Variants in CHUK observed in about 807,000 individuals in gnomAD.
CHUK encodes component of inhibitor of nuclear factor kappa B kinase complex.
In CHUK, 35 loss-of-function variants were observed where a neutral mutation model predicts 104.8. The ratio of observed to expected loss-of-function variants is 0.33; its 90% CI spans 0.26 to 0.44. CHUK has a LOEUF of 0.44. CHUK is among the 20% of genes least tolerant of loss of function. The probability of loss-of-function intolerance (pLI) is 1.00; values close to 1 mark genes in which losing one functional copy is unlikely to be tolerated. For synonymous variants in CHUK, 276 were observed against 291.9 expected (o/e 0.95, Z 0.56); for missense variants, 663 against 902.7 (o/e 0.73, Z 3.40).
At chr10:100,200,577 A>G (rs974549927) in intron 15 of CHUK, 94 bp downstream of exon 15, 1 of 751,814 alleles carries the variant, frequency 1.3e-6, no homozygotes, top group Non-Finnish European at 2.4e-6. Flanking sequence ...AAAACTATAG[A>G]AAAGAACCAC....
At position 100,189,834 on chromosome 10, in the gene CHUK, C is replaced by CT. The variant is rs34571703; in HGVS notation, c.2209-208dup. Among the ~76,000 whole-genome samples, 14,441 of 139,026 alleles carry CT rather than the reference C, an allele frequency of 0.1. 848 individuals are homozygous for CT. The highest frequency in any genetic ancestry group is 0.17 in the African/African-American group (6,467 of 38,026). The allele number at this position is 139,026 out of a possible 152,430, so 91.2% of individuals were successfully genotyped here. On this transcript the variant is annotated intron_variant, in intron 20 of 20. Coordinates refer to ENST00000370397, the MANE Select transcript of CHUK (RefSeq NM_001278.5). ...AACAATTATTCTTTCCTTTTCTTTT[C>CT]TTTTTTTTTTTTTTCTTAAGAGAGC...
At chr10:100,229,385 G>A in intron 1 of CHUK, 43 bp downstream of exon 1, 1 of 1,433,676 alleles carries the variant, frequency 7.0e-7, no homozygotes, top group East Asian at 2.3e-5. Context: ...CAAACCCACC[G>A]CCGCTCCAAC....
At chr10:100,229,237 C>A (rs891031659) in intron 1 of CHUK, among the ~76,000 whole-genome samples, 191 bp downstream of exon 1, 7 of 152,146 alleles carry the variant, frequency 4.6e-5, no homozygotes, top group African/African-American at 1.7e-4. Flanking sequence ...TGCCCAGTAC[C>A]TCAAATACAA....
At chr10:100,205,224 G>T (rs1377124758) in intron 11 of CHUK, 25 bp from the exon 12 acceptor site, 1 of 1,612,468 alleles carries the variant, frequency 6.2e-7, no homozygotes, top group Non-Finnish European at 8.5e-7. Context: ...ATGAGAAAAA[G>T]GGCAAGGGAG....
Position 100,223,007 on chromosome 10 carries a change from A to T in CHUK, c.201-27T>A, listed in dbSNP as rs781309889. ...TAATAAGAAAGAAAAACATTACAAT[A>T]AAAAAAATTATTTCCAATAAAAAGG... is the stretch of plus-strand genomic sequence containing the variant. On this transcript the variant is annotated intron_variant, in intron 2 of 20. Coordinates refer to ENST00000370397, the MANE Select transcript of CHUK (RefSeq NM_001278.5). 2.6e-6 allele frequency: 3 copies of T among 1,147,606 alleles called. No homozygotes were observed. In the African/African-American group the frequency reaches 4.6e-5, roughly 18 times the overall value. The allele number at this position is 1,147,606 out of a possible 1,614,324, so 71.1% of individuals were successfully genotyped here. A position where few individuals can be genotyped will look rare whatever the true frequency, so the allele number is the denominator to read the frequency against.
chr10:100,193,121 C>T (rs1025425815), intron 19 of CHUK, 177 bp downstream of exon 19: 1 of 676,490 alleles, frequency 1.5e-6, no homozygotes, highest in East Asian at 2.7e-5. Context: ...TCCTGTTTTA[C>T]AGGTGAGGAA....
At chr10:100,208,480 C>A (rs17881516) in intron 10 of CHUK, among the ~76,000 whole-genome samples, 2 of 152,052 alleles carry the variant, frequency 1.3e-5, no homozygotes, top group Non-Finnish European at 2.9e-5. Context: ...TGTTTCAGCA[C>A]GACTGAGTGG....
chr10:100,221,821 A>G (rs1261315848), intron 4 of CHUK, among the ~76,000 whole-genome samples: 1 of 152,150 alleles, frequency 6.6e-6, no homozygotes, highest in Non-Finnish European at 1.5e-5. Context: ...TATTTTTAGT[A>G]GAGATGGGGT....
chr10:100,225,944 T>C lies in CHUK; in HGVS notation c.179A>G (p.His60Arg). ...TTACTTCTTCATAATCTGGATTTCATGGCACCATCGTTCTCTGTTTTTGGT... is the reference window on the plus strand; with the variant it reads ...TTACTTCTTCATAATCTGGATTTCACGGCACCATCGTTCTCTGTTTTTGGT... ...LSTKNRERWC[H>R]EIQIMKKLNH... is the part of the protein sequence containing the mutation. The change falls in exon 2 of 21, where the codon CAT (histidine) becomes CGT (arginine). Residue 60 changes from histidine (H) to arginine (R), a missense_variant. Coordinates refer to ENST00000370397, the MANE Select transcript of CHUK (RefSeq NM_001278.5). 5.0e-6 allele frequency: 8 copies of C among 1,603,156 alleles called. No individual in the cohort carries two copies. The highest frequency in any genetic ancestry group is 6.8e-6 in the Non-Finnish European group (8 of 1,170,142).
chr10:100,219,496 T>C lies in CHUK; in HGVS notation c.475-137A>G, dbSNP rs17112751. 31,884 of 641,502 alleles carry C rather than the reference T, an allele frequency of 0.05. 1,561 individuals are homozygous for C. Among genetic ancestry groups the C allele is most frequent in the African/African-American group, 0.18 (9,700 of 54,766 alleles). The allele number at this position is 641,502 out of a possible 1,614,324, so 39.7% of individuals were successfully genotyped here. On this transcript the variant is annotated intron_variant, in intron 5 of 20. Coordinates refer to ENST00000370397, the MANE Select transcript of CHUK (RefSeq NM_001278.5). ...TGTAATAACACAAAAATATTTCAAG[T>C]CTGAGTGCCACCACTTAACTAGGCA...
chr10:100,189,376 T>C lies in CHUK; in HGVS notation c.*222A>G, dbSNP rs1438896704. The C allele has an allele frequency of 1.3e-5, 7 of 532,428 alleles. No homozygotes were observed. The Admixed American group carries it at 1.9e-4, about 15-fold the overall frequency. 33.0% of individuals were successfully genotyped at this position (532,428 alleles called of 1,614,324 possible). A position where few individuals can be genotyped will look rare whatever the true frequency, so the allele number is the denominator to read the frequency against. The stretch of plus-strand genomic sequence containing the variant: ...TAAAACAAATATTCAAACAAGTACA[T>C]TGACTTTTTCTAAATTCCTGTCTGT... On this transcript the variant is annotated 3_prime_UTR_variant, in exon 21 of 21. Coordinates refer to ENST00000370397, the MANE Select transcript of CHUK (RefSeq NM_001278.5).
In CHUK at chr10:100,229,542, G is replaced by T; in HGVS notation, c.-10C>A. 1.3e-6 allele frequency: 2 copies of T among 1,518,434 alleles called. No homozygotes were observed. The highest frequency in any genetic ancestry group is 1.2e-5 in the South Asian group (1 of 83,388). 94.1% of individuals were successfully genotyped at this position (1,518,434 alleles called of 1,614,324 possible). On this transcript the variant is annotated 5_prime_UTR_variant, in exon 1 of 21. Transcript: ENST00000370397. ...CCGGGGGCCGCTCCATGGGGCGGGA[G>T]GGCAAGCGGCCTCAGGTTCCACAGT... is the stretch of plus-strand genomic sequence containing the variant.
chr10:100,204,753 C>A, intron 12 of CHUK, 96 bp from the exon 13 acceptor site: 1 of 1,030,492 alleles, frequency 9.7e-7, no homozygotes, highest in Admixed American at 2.3e-5. Flanking sequence ...TGCCACAAGG[C>A]CAAAGCCTAA....
At chr10:100,225,345 A>T (rs1846081384) in intron 2 of CHUK, among the ~76,000 whole-genome samples, 1 of 152,202 alleles carries the variant, frequency 6.6e-6, no homozygotes, top group African/African-American at 2.4e-5. Flanking sequence ...GTGGAATGAC[A>T]CAGTATTTGT....
chr10:100,219,162 A>G (rs1845929348), intron 6 of CHUK, 30 bp from the exon 7 acceptor site: 1 of 1,610,690 alleles, frequency 6.2e-7, no homozygotes, highest in Non-Finnish European at 8.5e-7. Flanking sequence ...TTAAACACCA[A>G]CACTGTATGG....
intron 19 of CHUK, 89 bp downstream of exon 19, chr10:100,193,209 G>A: frequency 1.4e-6 from 2 of 1,422,498 alleles, no homozygotes; most frequent in South Asian, 1.2e-5. Flanking sequence ...CTGGTCTGAA[G>A]GCACAGAAGA....
intron 16 of CHUK, chr10:100,195,920 C>G (rs1425314017): frequency 6.6e-6 from 1 of 152,200 alleles, no homozygotes; most frequent in African/African-American, 2.4e-5. Flanking sequence ...GTATCTGATT[C>G]ATTAGCCAGA....
At chr10:100,222,386 AT>A (rs1846011103) in intron 3 of CHUK, among the ~76,000 whole-genome samples, 1 of 152,248 alleles carries the variant, frequency 6.6e-6, no homozygotes, top group Non-Finnish European at 1.5e-5. Flanking sequence ...GGCAAAAAGC[AT>A]TTGAAACTGG....
chr10:100,229,400 C>T (rs1473161439), intron 1 of CHUK, 28 bp downstream of exon 1: 3 of 1,545,532 alleles, frequency 1.9e-6, no homozygotes, highest in South Asian at 2.2e-5. Flanking sequence ...TCCAACCCAC[C>T]GCCGCTCCCT....
Sources: allele counts gnomAD v4.1 joint callset (sites outside exome capture counted in the v4.1 genomes callset), GRCh38; gene constraint gnomAD v4.1.1; transcripts MANE v1.5; gene names NCBI Gene and HGNC (gene_info 2026-07-23, HGNC 2026-07-21).